The following REEP1 variants were observed in gnomAD, a reference collection of about 807,000 sequenced individuals.
REEP1 encodes the protein receptor accessory protein 1.
Under a neutral mutation model 40.3 loss-of-function variants are expected in REEP1, and 22 were observed. The ratio of observed to expected loss-of-function variants is 0.55; its 90% CI spans 0.39 to 0.78. The LOEUF (loss-of-function observed/expected upper bound fraction) is 0.78. Among genes scored for constraint, REEP1 ranks in the 30% least tolerant of loss-of-function variants. The probability of loss-of-function intolerance (pLI) is 0.00; values close to 1 mark genes in which losing one functional copy is unlikely to be tolerated. For synonymous variants in REEP1, 116 were observed against 139.2 expected, an observed-to-expected ratio of 0.83 and a Z score of 1.17; for missense variants, 280 against 361.1, an observed-to-expected ratio of 0.78 and a Z score of 1.82.
intron 2 of REEP1, 69 bp downstream of exon 2, chr2:86,282,101 C>T: frequency 9.5e-7 from 1 of 1,049,478 alleles, no homozygotes; most frequent in South Asian, 1.3e-5. Flanking sequence ...GAGGGCATCC[C>T]CTTCTCCCAA....
intron 1 of REEP1, among the ~76,000 whole-genome samples, chr2:86,312,823 T>A (rs1679823042): frequency 6.6e-6 from 1 of 152,328 alleles, no homozygotes; most frequent in South Asian, 2.1e-4. Flanking sequence ...TCAACAAACA[T>A]ACTTATTTTT....
Position 86,334,400 on chromosome 2 carries a change from C to T in REEP1, c.32+3079G>A, listed in dbSNP as rs537703585. 1.3e-4 allele frequency among the ~76,000 whole-genome samples: 20 copies of T among 152,136 alleles called. No homozygotes were observed. The South Asian group carries it at 1.7e-3, about 13-fold the overall frequency. On this transcript the variant is annotated intron_variant, in intron 1 of 8. Transcript: ENST00000538924. ...GATTACTTATACAAAACGTGACTCG[C>T]GGATAAAACCATAGGATGCTCCCAT...
intron 5 of REEP1, among the ~76,000 whole-genome samples, chr2:86,239,372 G>T (rs559895991): frequency 1.3e-5 from 2 of 152,154 alleles, no homozygotes; most frequent in Non-Finnish European, 2.9e-5. Flanking sequence ...ACAGGGGAAG[G>T]CTCCAGCAAA....
chr2:86,320,024 G>C (rs1294844518), intron 1 of REEP1, among the ~76,000 whole-genome samples: 1 of 152,224 alleles, frequency 6.6e-6, no homozygotes, highest in Non-Finnish European at 1.5e-5. Flanking sequence ...AGAACTGTGA[G>C]AGAATAAATT....
chr2:86,297,714 T>G, intron 1 of REEP1: 2 of 985,388 alleles, frequency 2.0e-6, no homozygotes, highest in Non-Finnish European at 2.4e-6. Flanking sequence ...GGAGCGTCAC[T>G]GTCTCAGTGG....
chr2:86,242,379 A>G (rs1675711464), intron 5 of REEP1, among the ~76,000 whole-genome samples: 2 of 152,136 alleles, frequency 1.3e-5, no homozygotes, highest in African/African-American at 4.8e-5. Flanking sequence ...TTCCTTTAAC[A>G]TTTACTGAGC....
intron 6 of REEP1, among the ~76,000 whole-genome samples, 182 bp from the exon 7 acceptor site, chr2:86,227,580 C>T (rs1356486549): frequency 6.6e-6 from 1 of 152,044 alleles, no homozygotes; most frequent in Non-Finnish European, 1.5e-5. Context: ...GATTCAGTTT[C>T]TGCTCAGGTG....
chr2:86,245,248 TA>T (rs1199948275), intron 5 of REEP1, among the ~76,000 whole-genome samples: 1 of 152,104 alleles, frequency 6.6e-6, no homozygotes, highest in Non-Finnish European at 1.5e-5. Flanking sequence ...GCCACAAAAA[TA>T]TGGGACAATA....
chr2:86,219,646 A>G (rs1674312704), intron 8 of REEP1, among the ~76,000 whole-genome samples: 1 of 152,010 alleles, frequency 6.6e-6, no homozygotes, highest in Non-Finnish European at 1.5e-5. Flanking sequence ...GGGTTTTGCC[A>G]TGTTGGCCAG....
intron 2 of REEP1, among the ~76,000 whole-genome samples, chr2:86,277,908 G>A (rs1357291265): frequency 1.3e-5 from 2 of 152,154 alleles, no homozygotes; most frequent in Non-Finnish European, 2.9e-5. Context: ...CACCCACAGA[G>A]GTGCAAATAA....
chr2:86,259,588 A>AAACGG (rs1676749692), intron 3 of REEP1, among the ~76,000 whole-genome samples: 1 of 151,876 alleles, frequency 6.6e-6, no homozygotes, highest in Non-Finnish European at 1.5e-5. Context: ...GGGTTTCACC[A>AAACGG]TGTTTGCCAG....
chr2:86,277,981 T>C (rs1677858830), intron 2 of REEP1, among the ~76,000 whole-genome samples: 1 of 152,228 alleles, frequency 6.6e-6, no homozygotes, highest in South Asian at 2.1e-4. Flanking sequence ...CAGTTTAATA[T>C]TTATTAACAA....
Position 86,337,128 on chromosome 2 carries a change from C to T in REEP1, c.32+351G>A, listed in dbSNP as rs1681083125. ...CTGCCAAAGGAGAGAGACGCGTGTC[C>T]GCGGTGCGCCCATTCGGGGCCTCTG... On this transcript the variant is annotated intron_variant, in intron 1 of 8. Transcript: ENST00000538924. This position sits in a 1 kb window ranked among gnomAD's most constrained non-coding sequence, Gnocchi z 5.8. 2 of 157,378 alleles carry T rather than the reference C, an allele frequency of 1.3e-5. No individual in the cohort carries two copies. The highest frequency in any genetic ancestry group is 6.5e-5 in the Admixed American group (1 of 15,432). The allele number at this position is 157,378 out of a possible 1,614,324, so 9.7% of individuals were successfully genotyped here.
chr2:86,297,779 C>G, intron 1 of REEP1: 5 of 957,118 alleles, frequency 5.2e-6, no homozygotes, highest in Non-Finnish European at 6.2e-6. Flanking sequence ...GAGGGAAATG[C>G]CTCTTCCCAG....
At chr2:86,277,093 A>T (rs1028451402) in intron 2 of REEP1, among the ~76,000 whole-genome samples, 1 of 152,142 alleles carries the variant, frequency 6.6e-6, no homozygotes, top group Non-Finnish European at 1.5e-5. Context: ...CACGATACTC[A>T]CGCCAGTAGG....
intron 1 of REEP1, among the ~76,000 whole-genome samples, chr2:86,306,637 G>A (rs1558927743): frequency 6.6e-6 from 1 of 152,192 alleles, no homozygotes; most frequent in Non-Finnish European, 1.5e-5. Flanking sequence ...GCATTTCCCT[G>A]TCCTCTGATG....
chr2:86,245,760 C>G (rs1182178198), intron 5 of REEP1, among the ~76,000 whole-genome samples: 1 of 150,984 alleles, frequency 6.6e-6, no homozygotes, highest in Non-Finnish European at 1.5e-5. Context: ...CCAACATATA[C>G]TCAATTTTTT....
chr2:86,230,055 A>G (rs910297310), intron 6 of REEP1, among the ~76,000 whole-genome samples: 3 of 152,202 alleles, frequency 2.0e-5, no homozygotes, highest in Non-Finnish European at 4.4e-5. Context: ...GGGGGCCAGC[A>G]GTGAGGAGGG....
chr2:86,279,697 G>C (rs1574074242), intron 2 of REEP1, among the ~76,000 whole-genome samples: 1 of 152,174 alleles, frequency 6.6e-6, no homozygotes, highest in African/African-American at 2.4e-5. Flanking sequence ...GAGATGCAAT[G>C]TTGCTGGCTC....
Sources: gnomAD v4.1 joint callset for allele counts (sites outside exome capture counted in the v4.1 genomes callset) on GRCh38, gnomAD v4.1.1 for gene constraint, Gnocchi (gnomAD v3.1) non-coding constraint, MANE v1.5 for transcripts, NCBI Gene and HGNC (gene_info 2026-07-23, HGNC 2026-07-21) for gene names.